The following ZNF391 variants were observed in gnomAD, a reference collection of about 807,000 sequenced individuals.
ZNF391 encodes the protein zinc finger protein 391.
For missense variants in ZNF391, 375 were observed against 425.5 expected (o/e 0.88, Z 1.04); for synonymous variants, 126 against 142.1 (o/e 0.89, Z 0.80).
At chr6:27,379,181 A>C (rs1761461837) in intron 1 of ZNF391, among the ~76,000 whole-genome samples, 1 of 152,190 alleles carries the variant, frequency 6.6e-6, no homozygotes, top group Admixed American at 6.5e-5. Context: ...TGTATTTTCC[A>C]TTTATTGTCA....
intron 1 of ZNF391, among the ~76,000 whole-genome samples, chr6:27,382,775 C>A (rs4713087): frequency 6.6e-6 from 1 of 152,004 alleles, no homozygotes; most frequent in East Asian, 1.9e-4. Flanking sequence ...CTAGACATGG[C>A]GGAAAAAAAG....
At chr6:27,385,974 T>A (rs1164167968), upstream of ZNF391, among the ~76,000 whole-genome samples, 1 of 152,116 alleles carries the variant, frequency 6.6e-6, no homozygotes, top group Non-Finnish European at 1.5e-5. Flanking sequence ...AACAGAAAGA[T>A]CATTGGAAAA....
At position 27,380,355 on chromosome 6, in the gene ZNF391, C is replaced by A. The variant is rs1438810877; in HGVS notation, n.523+5218C>A. 2.6e-5 allele frequency among the ~76,000 whole-genome samples: 4 copies of A among 152,138 alleles called. No individual in the cohort carries two copies. The South Asian group carries it at 6.2e-4, about 24-fold the overall frequency. ...GCGGCTCAGGAGTGAAGCTGCAGAC[C>A]TTCGCGGTGAGTATTACAGCTCTTA... On this transcript the variant is annotated intron_variant and non_coding_transcript_variant, in intron 1 of 2. Coordinates refer to the ZNF391 transcript ENST00000477999.
intron 1 of ZNF391, chr6:27,390,902 G>A (rs1366163502): frequency 1.3e-5 from 2 of 152,170 alleles, no homozygotes; most frequent in South Asian, 2.1e-4. Context: ...AATGTGGGAC[G>A]AGATTTTTCA....
intron 1 of ZNF391, among the ~76,000 whole-genome samples, chr6:27,396,556 C>G (rs1274185702): frequency 6.6e-6 from 1 of 152,032 alleles, no homozygotes; most frequent in Non-Finnish European, 1.5e-5. Context: ...GAAACCCCAT[C>G]TCTACAAAAA....
At chr6:27,397,348 C>G (rs886837644) in intron 1 of ZNF391, among the ~76,000 whole-genome samples, 1 of 152,104 alleles carries the variant, frequency 6.6e-6, no homozygotes, top group Non-Finnish European at 1.5e-5. Flanking sequence ...CACTTATCAC[C>G]AAGAGGATGC....
At chr6:27,392,360 A>G (rs541508867) in intron 1 of ZNF391, among the ~76,000 whole-genome samples, 1 of 152,272 alleles carries the variant, frequency 6.6e-6, no homozygotes, top group South Asian at 2.1e-4. Flanking sequence ...GGTTCAAGCA[A>G]TTCTTCTGCC....
At chr6:27,380,874 CAG>C (rs1379565683) in intron 1 of ZNF391, among the ~76,000 whole-genome samples, 1 of 152,196 alleles carries the variant, frequency 6.6e-6, no homozygotes, top group Non-Finnish European at 1.5e-5. Flanking sequence ...GAGCTAGACA[CAG>C]GGTGCTGATT....
At chr6:27,399,773 G>A (rs1222831435) in intron 2 of ZNF391, among the ~76,000 whole-genome samples, 2 of 152,188 alleles carry the variant, frequency 1.3e-5, no homozygotes, top group African/African-American at 2.4e-5. Flanking sequence ...ATTGGAAGAA[G>A]GGTTGAGAGG....
chr6:27,400,064 A>G (rs897364652), intron 2 of ZNF391, among the ~76,000 whole-genome samples: 1 of 152,116 alleles, frequency 6.6e-6, no homozygotes, highest in African/African-American at 2.4e-5. Flanking sequence ...ATATTACCCA[A>G]TAACTCTTTC....
Position 27,402,824 on chromosome 6 carries a change from TCAAA to T in ZNF391, c.*1381_*1384del, listed in dbSNP as rs1762004764. 1 of 152,118 alleles carries T rather than the reference TCAAA, an allele frequency of 6.6e-6. No homozygotes were observed. The highest frequency in any genetic ancestry group is 2.1e-4 in the South Asian group (1 of 4,820). The allele number at this position is 152,118 out of a possible 1,614,324, so 9.4% of individuals were successfully genotyped here. On this transcript the variant is annotated 3_prime_UTR_variant, in exon 3 of 3. Transcript: ENST00000244576. Reference sequence around the variant, plus strand: ...CAAGGCTGGCCTCCATCTCCTGAACTCAAACAATTCTCCCACCTCGGCTTCCGAA... The same window carrying T: ...CAAGGCTGGCCTCCATCTCCTGAACTCAATTCTCCCACCTCGGCTTCCGAA...
In ZNF391 at chr6:27,403,900, A is replaced by C. The variant is rs1004181554; in HGVS notation, c.*2453A>C. ...AATAAATTCTAATTGTTATGATTCTAGTGATTCACATCTGCCTATAGCTTT... is the reference window on the plus strand; with the variant it reads ...AATAAATTCTAATTGTTATGATTCTCGTGATTCACATCTGCCTATAGCTTT... On this transcript the variant is annotated 3_prime_UTR_variant, in exon 3 of 3. Transcript: ENST00000244576. The C allele has an allele frequency of 6.6e-6, 1 of 152,234 alleles. No homozygotes were observed. The highest frequency in any genetic ancestry group is 2.4e-5 in the African/African-American group (1 of 41,470). 9.4% of individuals were successfully genotyped at this position (152,234 alleles called of 1,614,324 possible).
intron 1 of ZNF391, among the ~76,000 whole-genome samples, chr6:27,378,649 T>G (rs1295563086): frequency 6.6e-6 from 1 of 152,236 alleles, no homozygotes; most frequent in Non-Finnish European, 1.5e-5. Context: ...CTTCAGGCCA[T>G]CTGCATGTAT....
At chr6:27,379,891 C>T (rs540840111) in intron 1 of ZNF391, among the ~76,000 whole-genome samples, 28 of 152,252 alleles carry the variant, frequency 1.8e-4, no homozygotes, top group Admixed American at 1.2e-3. Flanking sequence ...AAGGAAATAC[C>T]CAACTCTAAC....
chr6:27,381,072 T>C (rs915951021), intron 1 of ZNF391, among the ~76,000 whole-genome samples: 4 of 152,246 alleles, frequency 2.6e-5, no homozygotes, highest in Non-Finnish European at 4.4e-5. Flanking sequence ...GCCCACACTC[T>C]TCAGCCCTTG....
chr6:27,383,253 CGA>C (rs1561808210), intron 1 of ZNF391, among the ~76,000 whole-genome samples: 3 of 149,614 alleles, frequency 2.0e-5, no homozygotes, highest in African/African-American at 7.4e-5. Context: ...AGAAAGACAC[CGA>C]GAGAGACAAA....
In ZNF391 at chr6:27,382,034, C is replaced by CAAA. The variant is rs58338028; in HGVS notation, n.523+6911_523+6913dup. Among the ~76,000 whole-genome samples the CAAA allele has an allele frequency of 3.9e-3, 344 of 88,346 alleles. 31 individuals carry two copies. Among genetic ancestry groups the CAAA allele is most frequent in the African/African-American group, 0.012 (244 of 21,024 alleles). The allele number at this position is 88,346 out of a possible 152,430, so 58.0% of individuals were successfully genotyped here. A position where few individuals can be genotyped will look rare whatever the true frequency, so the allele number is the denominator to read the frequency against. On this transcript the variant is annotated intron_variant and non_coding_transcript_variant, in intron 1 of 2. Transcript: ENST00000477999. Reference sequence around the variant, plus strand: ...TGGGCAACAGAGCAAGACTCCATCTCAAAAAAAAAAAAAAAAGGCCGGCTG... The same window carrying CAAA: ...TGGGCAACAGAGCAAGACTCCATCTCAAAAAAAAAAAAAAAAAAAGGCCGGCTG...
intron 1 of ZNF391, among the ~76,000 whole-genome samples, chr6:27,379,977 T>C (rs954348730): frequency 2.0e-5 from 3 of 152,196 alleles, no homozygotes; most frequent in Admixed American, 6.5e-5. Flanking sequence ...TCCAGAGATA[T>C]AGTCTTGACC....
Position 27,400,790 on chromosome 6 carries a change from C to T in ZNF391, c.420C>T (p.Asn140=). 1 of 1,614,124 alleles carries T rather than the reference C, an allele frequency of 6.2e-7. No individual in the cohort carries two copies. The highest frequency in any genetic ancestry group is 8.5e-7 in the Non-Finnish European group (1 of 1,180,024). The stretch of plus-strand genomic sequence containing the variant: ...GTGGAGAAAAGCCTTTTGAATGCAA[C>T]AAATGTGGGAAATCTTTCAGCCGAA... ...IHGGEKPFEC[N]KCGKSFSRST... Residue 140 remains asparagine, a synonymous_variant, in exon 3 of 3, where the codon AAC becomes AAT. Transcript: ENST00000244576.
Sources: gnomAD v4.1 joint callset for allele counts (sites outside exome capture counted in the v4.1 genomes callset) on GRCh38, gnomAD v4.1.1 for gene constraint, MANE v1.5 for transcripts, NCBI Gene and HGNC (gene_info 2026-07-23, HGNC 2026-07-21) for gene names.